ERCC3: variants seen among roughly 807,000 people sequenced by gnomAD.
The protein encoded by ERCC3 is general transcription and DNA repair factor IIH helicase/translocase subunit XPB.
In ERCC3, 66 loss-of-function variants were observed where a neutral mutation model predicts 94.2. The observed-to-expected ratio is 0.70, with a 90% CI of 0.57 to 0.86. The LOEUF (loss-of-function observed/expected upper bound fraction) is 0.86, where lower values mean the gene tolerates loss of function less well. Ranked by LOEUF, ERCC3 falls within the 40% of genes least tolerant of loss-of-function variation. The pLI is 0.00. For missense variants in ERCC3, 829 were observed against 987.1 expected, an observed-to-expected ratio of 0.84 and a Z score of 2.15; for synonymous variants, 349 against 369.1, an observed-to-expected ratio of 0.95 and a Z score of 0.63.
At position 127,289,673 on chromosome 2, in the gene ERCC3, C is replaced by G. The variant is rs372544078; in HGVS notation, c.657+16G>C. 5 of 1,613,850 alleles carry G rather than the reference C, an allele frequency of 3.1e-6. No individual in the cohort carries two copies. The African/African-American group carries it at 6.7e-5, about 22-fold the overall frequency. ...ATGCCTGCCCCCACCCAAGGGTGGC[C>G]CAGGAGTCCACATACGGCAGATTTG... On this transcript the variant is annotated intron_variant, in intron 5 of 14. Transcript: ENST00000285398.
intron 11 of ERCC3, among the ~76,000 whole-genome samples, chr2:127,272,099 A>T (rs551751886): frequency 7.0e-6 from 1 of 142,660 alleles, no homozygotes; most frequent in Non-Finnish European, 1.5e-5. Context: ...GCTCCACTGC[A>T]ACCTCCACCT....
Position 127,286,893 on chromosome 2 carries a change from A to C in ERCC3, c.1152T>G (p.Ile384Met). ...WKAQFKMWSTIDDSQICRFTS... is the reference protein window; with the variant it reads ...WKAQFKMWSTMDDSQICRFTS... ...TGAACCGGCAGATCTGGCTGTCGTC[A>C]ATGGTGGACCACATCTTGAACTGGG... The change falls in exon 8 of 15, where the codon ATT becomes ATG. Residue 384 changes from isoleucine to methionine, a missense_variant. Transcript: ENST00000285398. 1 of 1,614,238 alleles carries C rather than the reference A, an allele frequency of 6.2e-7. No individual in the cohort carries two copies. The highest frequency in any genetic ancestry group is 8.5e-7 in the Non-Finnish European group (1 of 1,180,046).
chr2:127,293,761 A>AG (rs1255309164), intron 1 of ERCC3, 43 bp from the exon 2 acceptor site: 1 of 1,604,982 alleles, frequency 6.2e-7, no homozygotes, highest in East Asian at 2.2e-5. Context: ...AGGAGCCTTC[A>AG]GGGTTCCCTC....
At chr2:127,270,006 A>G (rs878892747) in intron 12 of ERCC3, among the ~76,000 whole-genome samples, 10 of 147,552 alleles carry the variant, frequency 6.8e-5, no homozygotes, top group African/African-American at 2.4e-4. Context: ...GGGTGACAGA[A>G]TAAGACTCTA....
chr2:127,269,098 T>C lies in ERCC3; in HGVS notation c.1945+2238A>G, dbSNP rs577800506. On this transcript the variant is annotated intron_variant, in intron 12 of 14. Coordinates refer to ENST00000285398, the MANE Select transcript of ERCC3 (RefSeq NM_000122.2). ...AGAATAGTGTGTAATTTAAAACTTA[T>C]GAATTGTTTATTTCTGGAATTTTCC... 7.6e-4 allele frequency among the ~76,000 whole-genome samples: 116 copies of C among 152,342 alleles called. 1 individual carries two copies. Among genetic ancestry groups the C allele is most frequent in the African/African-American group, 2.4e-3 (100 of 41,590 alleles).
chr2:127,263,687 CTT>C (rs1230223045), intron 12 of ERCC3, among the ~76,000 whole-genome samples: 2 of 148,880 alleles, frequency 1.3e-5, no homozygotes, highest in Non-Finnish European at 3.0e-5. Flanking sequence ...AGGGTGGGCT[CTT>C]TGTCTTGTTC....
intron 4 of ERCC3, 35 bp downstream of exon 4, chr2:127,290,189 G>A (rs2104777380): frequency 6.3e-7 from 1 of 1,581,244 alleles, no homozygotes; most frequent in Non-Finnish European, 8.7e-7. Context: ...GAAAGTGACA[G>A]TGCCTTGGGA....
In ERCC3 at chr2:127,259,389, C is replaced by T. The variant is rs1573925817; in HGVS notation, c.2124G>A (p.Glu708=). 7 of 1,614,202 alleles carry T rather than the reference C, an allele frequency of 4.3e-6. No individual in the cohort carries two copies. In the East Asian group the frequency reaches 6.7e-5, roughly 15 times the overall value. ...GGACTTTCTGTAAGAGCTGCTGTTG[C>T]TCTTCTTTTGTCGAAAACGCCAAGT... The part of the protein sequence containing the change: ...EEDLAFSTKE[E]QQQLLQKVLA... Residue 708 remains glutamate, a synonymous_variant, in exon 14 of 15, where the codon GAG becomes GAA. Coordinates refer to ENST00000285398, the MANE Select transcript of ERCC3 (RefSeq NM_000122.2). This position sits in a 1 kb window ranked among gnomAD's most constrained non-coding sequence, Gnocchi z 4.9.
chr2:127,289,887 C>A (rs1280075777), intron 4 of ERCC3, 63 bp from the exon 5 acceptor site: 1 of 1,562,152 alleles, frequency 6.4e-7, no homozygotes, highest in Non-Finnish European at 8.8e-7. Flanking sequence ...GATTCCACTG[C>A]TCATTCAATT....
At chr2:127,273,542 G>A (rs545494030) in intron 10 of ERCC3, among the ~76,000 whole-genome samples, 19 of 151,854 alleles carry the variant, frequency 1.3e-4, no homozygotes, top group Middle Eastern at 3.4e-3. Flanking sequence ...CTGAGGTTGG[G>A]AATTCACGAC....
chr2:127,272,772 G>A, intron 11 of ERCC3, 93 bp downstream of exon 11: 1 of 829,560 alleles, frequency 1.2e-6, no homozygotes, highest in Admixed American at 1.8e-5. Context: ...AGTTCCTTCA[G>A]CAGACATGAA....
Position 127,272,978 on chromosome 2 carries a change from C to G in ERCC3, c.1731-17G>C. 1 of 1,464,304 alleles carries G rather than the reference C, an allele frequency of 6.8e-7. No individual in the cohort carries two copies. The highest frequency in any genetic ancestry group is 2.3e-5 in the East Asian group (1 of 44,190). 90.7% of individuals were successfully genotyped at this position (1,464,304 alleles called of 1,614,324 possible). ...ATATAGGGTCTAGAGAAGAATGAAG[C>G]TGTGTTAGACCACAGAATAATGCCT... is the stretch of plus-strand genomic sequence containing the variant. On this transcript the variant is annotated splice_polypyrimidine_tract_variant and intron_variant, in intron 10 of 14. Coordinates refer to ENST00000285398, the MANE Select transcript of ERCC3 (RefSeq NM_000122.2).
rs1573948051 is a variant in ERCC3, at chr2:127,279,022, T to A, written c.1730+151A>T. 1.5e-6 allele frequency: 1 copy of A among 679,284 alleles called. No individual in the cohort carries two copies. The highest frequency in any genetic ancestry group is 1.8e-5 in the African/African-American group (1 of 55,584). 42.1% of individuals were successfully genotyped at this position (679,284 alleles called of 1,614,324 possible). A position where few individuals can be genotyped will look rare whatever the true frequency, so the allele number is the denominator to read the frequency against. ...CCAACCACCTACTTCAGGTCTTCCC[T>A]GGTTTCTGAGACCAGGGCCACAGAA... On this transcript the variant is annotated intron_variant, in intron 10 of 14. Coordinates refer to ENST00000285398, the MANE Select transcript of ERCC3 (RefSeq NM_000122.2). This position sits in a 1 kb window ranked among gnomAD's most constrained non-coding sequence, Gnocchi z 4.7.
intron 5 of ERCC3, 30 bp from the exon 6 acceptor site, chr2:127,289,531 C>T (rs373844339): frequency 6.2e-7 from 1 of 1,611,700 alleles, no homozygotes; most frequent in Non-Finnish European, 8.5e-7. Flanking sequence ...TGAACGTGCA[C>T]ACAACATTTA....
chr2:127,265,547 T>C (rs1334446012), intron 12 of ERCC3, among the ~76,000 whole-genome samples: 1 of 152,104 alleles, frequency 6.6e-6, no homozygotes, highest in East Asian at 1.9e-4. Flanking sequence ...GCCTCCTGAG[T>C]AGCTGGGATT....
Position 127,274,621 on chromosome 2 carries a change from G to C in ERCC3, c.1731-1660C>G, listed in dbSNP as rs1684675755. On this transcript the variant is annotated intron_variant, in intron 10 of 14. Coordinates refer to ENST00000285398, the MANE Select transcript of ERCC3 (RefSeq NM_000122.2). The surrounding 1 kb of genome is among the most constrained non-coding windows in gnomAD (Gnocchi z 4.0). The stretch of plus-strand genomic sequence containing the variant: ...GATTAGCCCAGTCACAAGCTGCCTT[G>C]CCGTGATCCAGAATGTCCCGGCCAC... Among the ~76,000 whole-genome samples the C allele has an allele frequency of 6.6e-6, 1 of 152,206 alleles. No homozygotes were observed. The highest frequency in any genetic ancestry group is 6.5e-5 in the Admixed American group (1 of 15,276).
In ERCC3 at chr2:127,286,844, T is replaced by C. The variant is rs115176021; in HGVS notation, c.1201A>G (p.Ile401Val). The change falls in exon 8 of 15, where the codon ATC (isoleucine) becomes GTC (valine). Residue 401 changes from isoleucine to valine, a missense_variant. Coordinates refer to ENST00000285398, the MANE Select transcript of ERCC3 (RefSeq NM_000122.2). ...GTGCTAATGGCAACGGAGCAGCCGA[T>C]GGGCTTGTCCTTGGCATCGGAGGTG... ...RFTSDAKDKPIGCSVAISTYS... is the reference protein window; with the variant it reads ...RFTSDAKDKPVGCSVAISTYS... 4.8e-5 allele frequency: 77 copies of C among 1,614,200 alleles called. No homozygotes were observed. In the Middle Eastern group the frequency reaches 4.9e-4, roughly 10 times the overall value.
In ERCC3 at chr2:127,280,470, T is replaced by C; in HGVS notation, c.1504A>G (p.Ile502Val). ...ACCTCAGCACACTGGACTTTGGCGA[T>C]GTAGCCATTATTCTGCAGCTCCATC... is the stretch of plus-strand genomic sequence containing the variant. ...NWMELQNNGY[I>V]AKVQCAEVWC... The change falls in exon 9 of 15, where the codon ATC (isoleucine) becomes GTC (valine). Residue 502 changes from isoleucine to valine, a missense_variant. Ile to Val is a conservative substitution (Grantham distance 29). Transcript: ENST00000285398. This position sits in a 1 kb window ranked among gnomAD's most constrained non-coding sequence, Gnocchi z 6.3. The C allele has an allele frequency of 5.0e-6, 8 of 1,613,262 alleles. No individual in the cohort carries two copies. Among genetic ancestry groups the C allele is most frequent in the Non-Finnish European group, 6.8e-6 (8 of 1,179,734 alleles).
At chr2:127,285,141 GTA>G (rs1685025585) in intron 8 of ERCC3, among the ~76,000 whole-genome samples, 1 of 152,156 alleles carries the variant, frequency 6.6e-6, no homozygotes, top group African/African-American at 2.4e-5. Context: ...AATATATATT[GTA>G]TGATTGTGTT....
Sources: gnomAD v4.1 joint callset for allele counts (sites outside exome capture counted in the v4.1 genomes callset) on GRCh38, gnomAD v4.1.1 for gene constraint, Gnocchi (gnomAD v3.1) non-coding constraint, MANE v1.5 for transcripts, NCBI Gene and HGNC (gene_info 2026-07-23, HGNC 2026-07-21) for gene names.